The following PCDH15 variants were observed in gnomAD, a reference collection of about 807,000 sequenced individuals.
PCDH15 encodes the protein protocadherin-15.
Under a neutral mutation model 178.5 loss-of-function variants are expected in PCDH15, and 129 were observed. That is an observed-to-expected ratio of 0.72 (90% confidence interval 0.63 to 0.84). PCDH15 has a LOEUF of 0.84. Ranked by LOEUF, PCDH15 falls within the 40% of genes least tolerant of loss-of-function variation. PCDH15 has a pLI of 0.00. For missense variants in PCDH15, 2,230 were observed against 2,099.9 expected (o/e 1.06, Z -1.21); for synonymous variants, 800 against 732.0 (o/e 1.09, Z -1.50).
At chr10:54,293,676 T>G (rs149337313) in intron 8 of PCDH15, among the ~76,000 whole-genome samples, 1,786 of 152,282 alleles carry the variant, frequency 0.012, 34 homozygotes, top group African/African-American at 0.038. Flanking sequence ...CAGATTCTTC[T>G]CAAAAGAAGA....
intron 1 of PCDH15, among the ~76,000 whole-genome samples, chr10:55,244,735 A>G (rs984482152): frequency 1.8e-4 from 28 of 151,722 alleles, no homozygotes; most frequent in Non-Finnish European, 3.8e-4. Context: ...CATTAATGTC[A>G]GAATACAGGA....
intron 2 of PCDH15, among the ~76,000 whole-genome samples, chr10:55,397,615 C>T (rs1298757977): frequency 6.6e-6 from 1 of 151,990 alleles, no homozygotes; most frequent in Non-Finnish European, 1.5e-5. Flanking sequence ...TGGAGTCTTG[C>T]TCTGTCGCCC....
At chr10:55,423,348 T>C (rs939645903) in intron 2 of PCDH15, among the ~76,000 whole-genome samples, 2 of 151,960 alleles carry the variant, frequency 1.3e-5, no homozygotes, top group African/African-American at 4.8e-5. Flanking sequence ...GTTGTATGCA[T>C]ACAGAGAGAA....
chr10:53,808,921 G>T, intron 37 of PCDH15: 2 of 1,570,638 alleles, frequency 1.3e-6, no homozygotes, highest in Non-Finnish European at 1.7e-6. Flanking sequence ...TTCAGGGTCT[G>T]TACTTTCTTC....
chr10:54,767,252 A>G (rs540968274), intron 1 of PCDH15, among the ~76,000 whole-genome samples: 8 of 152,178 alleles, frequency 5.3e-5, no homozygotes, highest in Non-Finnish European at 1.2e-4. Context: ...AGGACTGGAG[A>G]AAACTCCTCC....
chr10:54,779,451 C>T (rs1950072682), intron 1 of PCDH15, among the ~76,000 whole-genome samples: 1 of 103,722 alleles, frequency 9.6e-6, no homozygotes. Flanking sequence ...TATATATACA[C>T]TCATATATGT....
intron 2 of PCDH15, chr10:55,600,161 G>A (rs187541769): frequency 3.4e-5 from 10 of 293,386 alleles, no homozygotes; most frequent in East Asian, 1.9e-4. Context: ...TCAGGAGATC[G>A]AGACCATCCT....
In PCDH15 at chr10:55,354,800, T is replaced by C. The variant is rs185246132; in HGVS notation, c.-155-188149A>G. Reference sequence around the variant, plus strand: ...TTTGCGGAATGTACAGTTTTATAAATATTAACACAAGTATTGATTTGTGAA... The same window carrying C: ...TTTGCGGAATGTACAGTTTTATAAACATTAACACAAGTATTGATTTGTGAA... On this transcript the variant is annotated intron_variant, in intron 2 of 5. Transcript: ENST00000613346. Among the ~76,000 whole-genome samples the C allele has an allele frequency of 7.2e-4, 110 of 152,174 alleles. 1 individual carries two copies. The highest frequency in any genetic ancestry group is 3.1e-3 in the South Asian group (15 of 4,828).
At chr10:54,038,357 A>T (rs10825203) in intron 18 of PCDH15, among the ~76,000 whole-genome samples, 2 of 151,532 alleles carry the variant, frequency 1.3e-5, no homozygotes, top group African/African-American at 2.4e-5. Context: ...AATGAGGCAG[A>T]GATTAGTTGC....
chr10:54,217,514 C>T (rs2052229505), intron 9 of PCDH15, among the ~76,000 whole-genome samples: 1 of 151,998 alleles, frequency 6.6e-6, no homozygotes, highest in South Asian at 2.1e-4. Context: ...GTATTGAAAG[C>T]TGGATTCTTG....
At chr10:54,432,339 C>T (rs905291930) in intron 3 of PCDH15, among the ~76,000 whole-genome samples, 2 of 151,932 alleles carry the variant, frequency 1.3e-5, no homozygotes, top group Non-Finnish European at 2.9e-5. Context: ...CACTGCAGTG[C>T]TACAATAATC....
intron 8 of PCDH15, among the ~76,000 whole-genome samples, chr10:54,304,876 G>A (rs1242750394): frequency 6.8e-6 from 1 of 147,060 alleles, no homozygotes; most frequent in Non-Finnish European, 1.5e-5. Context: ...CTTTTTTTTT[G>A]TATGTATTTG....
chr10:54,543,224 T>G (rs2085461582), intron 2 of PCDH15, among the ~76,000 whole-genome samples: 1 of 152,224 alleles, frequency 6.6e-6, no homozygotes, highest in South Asian at 2.1e-4. Context: ...AGCCCACGTG[T>G]GATCCGATTC....
intron 2 of PCDH15, among the ~76,000 whole-genome samples, chr10:54,571,786 TA>T (rs1003205812): frequency 1.3e-5 from 2 of 152,126 alleles, no homozygotes; most frequent in African/African-American, 4.8e-5. Flanking sequence ...TTTAGCAGCT[TA>T]AAAAAAGCTT....
chr10:55,344,938 G>A (rs889113807), intron 2 of PCDH15, among the ~76,000 whole-genome samples: 6 of 151,924 alleles, frequency 3.9e-5, no homozygotes, highest in Non-Finnish European at 7.4e-5. Flanking sequence ...ATAATGCTAC[G>A]TATTACAATA....
chr10:54,392,898 C>CAAA (rs35154394), intron 3 of PCDH15, among the ~76,000 whole-genome samples: 1 of 72,288 alleles, frequency 1.4e-5, no homozygotes. Flanking sequence ...GACTCAGGCT[C>CAAA]AAAAAAAAAA....
At chr10:55,616,338 A>G (rs1393408436) in intron 2 of PCDH15, among the ~76,000 whole-genome samples, 3 of 152,190 alleles carry the variant, frequency 2.0e-5, no homozygotes, top group Non-Finnish European at 4.4e-5. Flanking sequence ...GTAGAAAAAT[A>G]CTGGCATAAA....
At chr10:53,842,791 C>G (rs1253663079) in intron 28 of PCDH15, among the ~76,000 whole-genome samples, 7 of 152,106 alleles carry the variant, frequency 4.6e-5, no homozygotes, top group Non-Finnish European at 1.0e-4. Context: ...TCAATCAGTT[C>G]ACAAATCAAA....
chr10:53,964,932 G>C (rs2088831497), intron 21 of PCDH15, among the ~76,000 whole-genome samples: 1 of 152,096 alleles, frequency 6.6e-6, no homozygotes, highest in South Asian at 2.1e-4. Flanking sequence ...GCTTGCATTT[G>C]AATAATAATG....
Sources: allele counts gnomAD v4.1 joint callset (sites outside exome capture counted in the v4.1 genomes callset), GRCh38; gene constraint gnomAD v4.1.1; transcripts MANE v1.5; gene names NCBI Gene and HGNC (gene_info 2026-07-23, HGNC 2026-07-21).